The following SLC12A6 variants were observed in gnomAD, a reference collection of about 807,000 sequenced individuals.
SLC12A6 encodes the protein solute carrier family 12 member 6.
Under a neutral mutation model 135.3 loss-of-function variants are expected in SLC12A6, and 66 were observed. The observed-to-expected ratio is 0.49, with a 90% confidence interval of 0.40 to 0.60. SLC12A6 has a LOEUF of 0.60. Ranked by LOEUF, SLC12A6 falls within the 20% of genes least tolerant of loss-of-function variation. SLC12A6 has a pLI of 0.00. For synonymous variants in SLC12A6, 513 were observed against 508.8 expected, an observed-to-expected ratio of 1.01 and a Z score of -0.11; for missense variants, 1,058 against 1,452.3, an observed-to-expected ratio of 0.73 and a Z score of 4.41.
chr15:34,275,441 A>G (rs767266275), intron 2 of SLC12A6, 52 bp from the exon 3 acceptor site: 2 of 1,025,144 alleles, frequency 2.0e-6, no homozygotes, highest in South Asian at 1.3e-5. Context: ...ATCAAAACAA[A>G]TAATTTCTTT....
intron 3 of SLC12A6, among the ~76,000 whole-genome samples, chr15:34,270,839 A>AC (rs1456591655): frequency 2.6e-5 from 4 of 151,252 alleles, no homozygotes; most frequent in African/African-American, 9.7e-5. Flanking sequence ...AACAAAAAAA[A>AC]AAAAAAGAGA....
Position 34,240,607 on chromosome 15 carries a change from T to C in SLC12A6, c.2436+54A>G, listed in dbSNP as rs565272916. 3.1e-5 allele frequency: 46 copies of C among 1,475,292 alleles called. No homozygotes were observed. In the African/African-American group the frequency reaches 5.7e-4, roughly 18 times the overall value. The allele number at this position is 1,475,292 out of a possible 1,614,324, so 91.4% of individuals were successfully genotyped here. A position where few individuals can be genotyped will look rare whatever the true frequency, so the allele number is the denominator to read the frequency against. ...AGTAGAAGTTTGAGGTCTTACTACT[T>C]AACATCACAAAGCTGTAAACTGAGT... On this transcript the variant is annotated intron_variant, in intron 19 of 25. Coordinates refer to ENST00000354181, the MANE Select transcript of SLC12A6 (RefSeq NM_001365088.1).
chr15:34,238,296 A>T lies in SLC12A6; in HGVS notation c.2738T>A (p.Val913Glu). The T allele has an allele frequency of 6.2e-7, 1 of 1,613,454 alleles. No homozygotes were observed. The highest frequency in any genetic ancestry group is 8.5e-7 in the Non-Finnish European group (1 of 1,179,338). ...CCCCCCATCATGCACAATCCACCAC[A>T]CATCAATGTTGCCCTCAGAAAATTG... ...VEQFSEGNID[V>E]WWIVHDGGML... Residue 913 changes from valine to glutamate, a missense_variant, in exon 21 of 26, where the codon GTG becomes GAG. By Grantham distance (121) the Val-to-Glu change is moderately radical. Around this residue, in one of 6 missense-constraint regions of SLC12A6, gnomAD observed 245 missense variants for 440.8 expected, o/e 0.56. Transcript: ENST00000354181.
chr15:34,336,098 C>T (rs992510558), intron 2 of SLC12A6, among the ~76,000 whole-genome samples: 1 of 152,084 alleles, frequency 6.6e-6, no homozygotes, highest in Non-Finnish European at 1.5e-5. Context: ...GTGCTGAAAA[C>T]GATTACATTC....
chr15:34,333,599 C>A (rs557169654), intron 2 of SLC12A6, among the ~76,000 whole-genome samples: 1 of 152,084 alleles, frequency 6.6e-6, no homozygotes, highest in Non-Finnish European at 1.5e-5. Flanking sequence ...ATCTTTAAGG[C>A]GTTCTTCATA....
In SLC12A6 at chr15:34,231,812, A is replaced by C. The variant is rs557915731; in HGVS notation, c.*2069T>G. On this transcript the variant is annotated 3_prime_UTR_variant, in exon 26 of 26. Coordinates refer to ENST00000354181, the MANE Select transcript of SLC12A6 (RefSeq NM_001365088.1). ...CACCGTGTTAGCCAGGATGGTCTCA[A>C]ATCTCCTGACCTCGTGATCCGCCTG... 4 of 152,180 alleles carry C rather than the reference A, an allele frequency of 2.6e-5. No homozygotes were observed. The East Asian group carries it at 7.8e-4, about 30-fold the overall frequency. The allele number at this position is 152,180 out of a possible 1,614,324, so 9.4% of individuals were successfully genotyped here.
intron 2 of SLC12A6, among the ~76,000 whole-genome samples, chr15:34,312,195 C>T (rs1009978338): frequency 4.6e-5 from 7 of 152,188 alleles, no homozygotes; most frequent in Non-Finnish European, 1.0e-4. Context: ...ATTATCACTA[C>T]TAATAATTAG....
At chr15:34,293,475 T>C (rs1299827724) in intron 2 of SLC12A6, among the ~76,000 whole-genome samples, 1 of 152,240 alleles carries the variant, frequency 6.6e-6, no homozygotes, top group East Asian at 1.9e-4. Flanking sequence ...AGCTAATTTT[T>C]GTATTTTTAG....
At chr15:34,326,274 C>T (rs1889451361) in intron 2 of SLC12A6, among the ~76,000 whole-genome samples, 1 of 152,168 alleles carries the variant, frequency 6.6e-6, no homozygotes, top group Admixed American at 6.5e-5. Flanking sequence ...GACAGACATT[C>T]AGTTACTCAG....
chr15:34,323,129 G>C (rs1025739987), intron 2 of SLC12A6, among the ~76,000 whole-genome samples: 1 of 151,732 alleles, frequency 6.6e-6, no homozygotes, highest in Non-Finnish European at 1.5e-5. Context: ...ACATATACTT[G>C]ACAAAGGAGA....
chr15:34,332,015 C>A, intron 2 of SLC12A6, among the ~76,000 whole-genome samples: 1 of 152,132 alleles, frequency 6.6e-6, no homozygotes, highest in Non-Finnish European at 1.5e-5. Context: ...CAACATTCAA[C>A]CGTCTGACCA....
In SLC12A6 at chr15:34,270,365, T is replaced by A. The variant is rs111600417; in HGVS notation, c.316+4980A>T. Among the ~76,000 whole-genome samples the A allele has an allele frequency of 4.1e-4, 63 of 152,330 alleles. 1 individual carries two copies. The highest frequency in any genetic ancestry group is 1.4e-3 in the African/African-American group (58 of 41,574). On this transcript the variant is annotated intron_variant, in intron 3 of 25. Transcript: ENST00000354181. The stretch of plus-strand genomic sequence containing the variant: ...CTCCCTCCTCAGCCTCCTAAAGTGC[T>A]GGGACTACAGGCGTGTGCCATTGTG...
intron 2 of SLC12A6, among the ~76,000 whole-genome samples, chr15:34,288,566 A>G (rs538763848): frequency 6.6e-6 from 1 of 152,236 alleles, no homozygotes; most frequent in East Asian, 1.9e-4. Flanking sequence ...TCTATAAATC[A>G]CTTTGGGCAG....
chr15:34,241,881 T>C (rs534406049), intron 17 of SLC12A6, among the ~76,000 whole-genome samples: 2 of 152,248 alleles, frequency 1.3e-5, no homozygotes, highest in African/African-American at 4.8e-5. Context: ...TATTTGGAAA[T>C]GTCCTTTGTT....
At chr15:34,271,618 C>T (rs546125281) in intron 3 of SLC12A6, among the ~76,000 whole-genome samples, 1 of 152,074 alleles carries the variant, frequency 6.6e-6, no homozygotes, top group Admixed American at 6.5e-5. Flanking sequence ...CACACACACA[C>T]ACACACACAC....
At chr15:34,294,463 G>A (rs1385711092) in intron 2 of SLC12A6, among the ~76,000 whole-genome samples, 1 of 152,142 alleles carries the variant, frequency 6.6e-6, no homozygotes, top group Non-Finnish European at 1.5e-5. Flanking sequence ...CACCATGTTG[G>A]CCAGGCTGAT....
intron 2 of SLC12A6, among the ~76,000 whole-genome samples, chr15:34,293,876 T>G (rs1020727811): frequency 6.6e-6 from 1 of 152,216 alleles, no homozygotes; most frequent in South Asian, 2.1e-4. Flanking sequence ...GTGTTGGGAT[T>G]AGAGGTGTGA....
chr15:34,262,068 A>G (rs1893172769), intron 3 of SLC12A6, among the ~76,000 whole-genome samples: 1 of 152,224 alleles, frequency 6.6e-6, no homozygotes, highest in African/African-American at 2.4e-5. Flanking sequence ...ATTACATACA[A>G]TTGAAACCCA....
At chr15:34,243,181 C>G (rs1891767216) in intron 16 of SLC12A6, among the ~76,000 whole-genome samples, 1 of 152,148 alleles carries the variant, frequency 6.6e-6, no homozygotes, top group Non-Finnish European at 1.5e-5. Flanking sequence ...CATGAGCCAC[C>G]ACGCCCGGCC....
Sources: gnomAD v4.1 joint callset for allele counts (sites outside exome capture counted in the v4.1 genomes callset) on GRCh38, gnomAD v4.1.1 for gene constraint, gnomAD v4.1.1 regional missense constraint, MANE v1.5 for transcripts, NCBI Gene and HGNC (gene_info 2026-07-23, HGNC 2026-07-21) for gene names.